The following TRPS1 variants were observed in gnomAD, a reference collection of about 807,000 sequenced individuals.
TRPS1 encodes the protein transcriptional repressor GATA binding 1.
A neutral mutation model predicts 101.2 loss-of-function variants in TRPS1; 6 were observed. That is an observed-to-expected ratio of 0.06 (90% CI 0.03 to 0.12). TRPS1 has a LOEUF of 0.12. Among genes scored for constraint, TRPS1 ranks in the 10% least tolerant of loss-of-function variants. The pLI is 1.00. For synonymous variants in TRPS1, 578 were observed against 589.8 expected, an observed-to-expected ratio of 0.98 and a Z score of 0.29; for missense variants, 1,363 against 1,567.0, an observed-to-expected ratio of 0.87 and a Z score of 2.20.
chr8:115,451,823 A>G (rs1424678771), intron 5 of TRPS1, among the ~76,000 whole-genome samples: 2 of 152,154 alleles, frequency 1.3e-5, no homozygotes, highest in African/African-American at 4.8e-5. Flanking sequence ...GAGCCAAGAG[A>G]AAGAACGTGC....
chr8:115,630,973 A>G (rs1818627625), intron 1 of TRPS1, among the ~76,000 whole-genome samples: 1 of 152,116 alleles, frequency 6.6e-6, no homozygotes, highest in African/African-American at 2.4e-5. Context: ...GCTATCAAAC[A>G]TATTTGTCTG....
intron 4 of TRPS1, among the ~76,000 whole-genome samples, chr8:115,600,937 G>A (rs776689265): frequency 2.6e-5 from 4 of 152,030 alleles, no homozygotes; most frequent in Non-Finnish European, 5.9e-5. Context: ...GGTATTATAG[G>A]TAAATACTAA....
At chr8:115,577,191 CTG>C (rs1817338490) in intron 5 of TRPS1, among the ~76,000 whole-genome samples, 1 of 152,052 alleles carries the variant, frequency 6.6e-6, no homozygotes, top group Admixed American at 6.6e-5. Context: ...AAGTCCCACT[CTG>C]AGTCTTTTTT....
At chr8:115,470,039 C>G (rs1814427899) in intron 5 of TRPS1, among the ~76,000 whole-genome samples, 1 of 152,178 alleles carries the variant, frequency 6.6e-6, no homozygotes, top group Non-Finnish European at 1.5e-5. Flanking sequence ...GCAACAAGGA[C>G]AGGGTTTTAA....
At chr8:115,416,544 CAT>C (rs1188997118) in intron 6 of TRPS1, among the ~76,000 whole-genome samples, 10 of 147,104 alleles carry the variant, frequency 6.8e-5, no homozygotes, top group South Asian at 2.1e-4. Flanking sequence ...TAAATATAAA[CAT>C]AAATATTCAT....
chr8:115,652,936 A>G (rs865921843), intron 1 of TRPS1, among the ~76,000 whole-genome samples: 42 of 152,210 alleles, frequency 2.8e-4, no homozygotes, highest in South Asian at 1.0e-3. Flanking sequence ...ATACTGATTT[A>G]TCAGGAGGGC....
At chr8:115,610,756 T>C (rs1037317371) in intron 3 of TRPS1, among the ~76,000 whole-genome samples, 1 of 152,218 alleles carries the variant, frequency 6.6e-6, no homozygotes, top group African/African-American at 2.4e-5. Context: ...TTACTCAGTA[T>C]AATTCTGAAT....
chr8:115,426,244 T>TA (rs1813183597), intron 5 of TRPS1, among the ~76,000 whole-genome samples: 1 of 152,178 alleles, frequency 6.6e-6, no homozygotes, highest in South Asian at 2.1e-4. Flanking sequence ...TAGCACCTCT[T>TA]AAACTTCAGT....
chr8:115,486,160 T>A (rs1814874287), intron 5 of TRPS1, among the ~76,000 whole-genome samples: 1 of 152,212 alleles, frequency 6.6e-6, no homozygotes, highest in Admixed American at 6.5e-5. Flanking sequence ...TCTCACAATA[T>A]TCCGAACTTT....
chr8:115,497,145 G>A (rs963760007), intron 5 of TRPS1, among the ~76,000 whole-genome samples: 7 of 152,120 alleles, frequency 4.6e-5, no homozygotes, highest in Non-Finnish European at 8.8e-5. Flanking sequence ...TTAGGACAGC[G>A]GTCCCCACTC....
chr8:115,623,785 T>G, intron 1 of TRPS1, 27 bp from the exon 2 acceptor site: 5 of 1,433,496 alleles, frequency 3.5e-6, no homozygotes, highest in Non-Finnish European at 4.6e-6. Flanking sequence ...AAGAAAAATT[T>G]TCCTTCCTAA....
chr8:115,577,049 A>G (rs548487789), intron 5 of TRPS1, among the ~76,000 whole-genome samples: 2 of 152,312 alleles, frequency 1.3e-5, no homozygotes, highest in African/African-American at 4.8e-5. Flanking sequence ...GATAAGCCAA[A>G]TATGTGCATC....
intron 5 of TRPS1, among the ~76,000 whole-genome samples, chr8:115,534,880 A>C (rs561264301): frequency 6.6e-6 from 1 of 152,110 alleles, no homozygotes; most frequent in South Asian, 2.1e-4. Flanking sequence ...TAAAGTTAGA[A>C]ATACACTAGG....
chr8:115,472,230 T>G (rs989527457), intron 5 of TRPS1, among the ~76,000 whole-genome samples: 1 of 152,244 alleles, frequency 6.6e-6, no homozygotes, highest in Non-Finnish European at 1.5e-5. Context: ...CTCTGTAATC[T>G]AGGCCAATGT....
At chr8:115,621,203 C>T (rs1216994635) in intron 2 of TRPS1, among the ~76,000 whole-genome samples, 4 of 152,168 alleles carry the variant, frequency 2.6e-5, no homozygotes, top group African/African-American at 7.2e-5. Flanking sequence ...GACTGGGTTC[C>T]GTGGCTGCTG....
intron 5 of TRPS1, among the ~76,000 whole-genome samples, chr8:115,429,416 T>A (rs1390320670): frequency 1.3e-5 from 2 of 152,192 alleles, no homozygotes; most frequent in Non-Finnish European, 2.9e-5. Context: ...TAGCTCAAGG[T>A]AATACATTGT....
At position 115,602,937 on chromosome 8, in the gene TRPS1, G is replaced by GT. The variant is rs1817941954; in HGVS notation, c.2096+935dup. Among the ~76,000 whole-genome samples the GT allele has an allele frequency of 7.9e-5, 12 of 152,204 alleles. No homozygotes were observed. In the South Asian group the frequency reaches 2.5e-3, roughly 32 times the overall value. ...TTCCTAATCTACCATATTAGGTTAT[G>GT]TTATCATTATATTCAAACACACTGC... On this transcript the variant is annotated intron_variant, in intron 4 of 6. Transcript: ENST00000395715.
intron 5 of TRPS1, among the ~76,000 whole-genome samples, chr8:115,439,898 G>C (rs1397275103): frequency 6.6e-6 from 1 of 152,124 alleles, no homozygotes; most frequent in East Asian, 1.9e-4. Context: ...GCTGTTTTCT[G>C]TCTTTTCATT....
At position 115,533,436 on chromosome 8, in the gene TRPS1, G is replaced by GTTTTTTTT. The variant is rs1161916592; in HGVS notation, c.2700+53557_2700+53564dup. Among the ~76,000 whole-genome samples, 56 of 34,990 alleles carry GTTTTTTTT rather than the reference G, an allele frequency of 1.6e-3. 12 individuals carry two copies. Among genetic ancestry groups the GTTTTTTTT allele is most frequent in the African/African-American group, 3.5e-3 (34 of 9,616 alleles). The allele number at this position is 34,990 out of a possible 152,430, so 23.0% of individuals were successfully genotyped here. A position where few individuals can be genotyped will look rare whatever the true frequency, so the allele number is the denominator to read the frequency against. On this transcript the variant is annotated intron_variant, in intron 5 of 6. Transcript: ENST00000395715. ...GGGGCCCGCTTCCCACATGTAATCT[G>GTTTTTTTT]TTTTTTTTTTTTTTTTTTTTTTTCC...
Sources: allele counts gnomAD v4.1 joint callset (sites outside exome capture counted in the v4.1 genomes callset), GRCh38; gene constraint gnomAD v4.1.1; transcripts MANE v1.5; gene names NCBI Gene and HGNC (gene_info 2026-07-23, HGNC 2026-07-21).